Variants in LRBA observed in about 807,000 individuals in gnomAD.
LRBA encodes the protein lipopolysaccharide-responsive and beige-like anchor protein.
LRBA carries 176 observed loss-of-function variants against 330.0 expected under a neutral mutation model. The observed-to-expected ratio is 0.53, with a 90% confidence interval of 0.47 to 0.60. LRBA has a LOEUF of 0.60. Among genes scored for constraint, LRBA ranks in the 20% least tolerant of loss-of-function variants. LRBA has a pLI of 0.00. For missense variants in LRBA, 3,259 were observed against 3,444.8 expected, an observed-to-expected ratio of 0.95 and a Z score of 1.35; for synonymous variants, 1,230 against 1,193.0, an observed-to-expected ratio of 1.03 and a Z score of -0.64.
chr4:150,878,821 A>C (rs1401563932), intron 17 of LRBA, among the ~76,000 whole-genome samples: 2 of 151,864 alleles, frequency 1.3e-5, no homozygotes, highest in African/African-American at 4.8e-5. Context: ...CCGAAACTGT[A>C]TACCTGCTTA....
At chr4:150,281,112 T>G (rs1018258033) in intron 55 of LRBA, among the ~76,000 whole-genome samples, 2 of 152,200 alleles carry the variant, frequency 1.3e-5, no homozygotes, top group African/African-American at 2.4e-5. Context: ...CCACAGAAAT[T>G]GCTTCAGTCA....
At chr4:150,715,281 G>A (rs1786634012) in intron 36 of LRBA, among the ~76,000 whole-genome samples, 1 of 152,114 alleles carries the variant, frequency 6.6e-6, no homozygotes, top group African/African-American at 2.4e-5. Context: ...ATACTGTCAA[G>A]GTTGCATTCT....
At chr4:150,505,855 G>A (rs888145485) in intron 40 of LRBA, among the ~76,000 whole-genome samples, 1 of 151,998 alleles carries the variant, frequency 6.6e-6, no homozygotes, top group Non-Finnish European at 1.5e-5. Flanking sequence ...AGAAAAGAGA[G>A]AAGAATCAAA....
At chr4:150,855,299 A>C (rs1751094703) in intron 22 of LRBA, among the ~76,000 whole-genome samples, 1 of 152,122 alleles carries the variant, frequency 6.6e-6, no homozygotes. Flanking sequence ...TTTTTGGAAA[A>C]CTGACTTTAG....
intron 2 of LRBA, among the ~76,000 whole-genome samples, chr4:151,003,365 C>G (rs551770378): frequency 1.1e-3 from 161 of 147,622 alleles, no homozygotes; most frequent in Non-Finnish European, 1.9e-3. Context: ...CCACTTCACT[C>G]CAGCCTGGGT....
intron 9 of LRBA, among the ~76,000 whole-genome samples, chr4:150,910,115 C>T (rs1731818418): frequency 6.6e-6 from 1 of 152,142 alleles, no homozygotes; most frequent in South Asian, 2.1e-4. Flanking sequence ...TACCTTTCCA[C>T]TCTGCTGGAT....
At chr4:150,370,865 T>G (rs1226158315) in intron 47 of LRBA, among the ~76,000 whole-genome samples, 1 of 152,154 alleles carries the variant, frequency 6.6e-6, no homozygotes, top group Admixed American at 6.5e-5. Context: ...TTTTAAAACA[T>G]GATGTTTATA....
chr4:150,629,367 A>C (rs999725615), intron 37 of LRBA, among the ~76,000 whole-genome samples: 1 of 152,260 alleles, frequency 6.6e-6, no homozygotes, highest in Admixed American at 6.5e-5. Flanking sequence ...GGCCAGGAAC[A>C]GTGGCTCATG....
intron 34 of LRBA, among the ~76,000 whole-genome samples, chr4:150,795,300 T>G (rs1480245962): frequency 6.6e-6 from 1 of 152,064 alleles, no homozygotes; most frequent in Non-Finnish European, 1.5e-5. Context: ...TTAAAACAGG[T>G]TTATACACAT....
chr4:150,970,465 A>G (rs1739405002), intron 2 of LRBA, among the ~76,000 whole-genome samples: 1 of 151,116 alleles, frequency 6.6e-6, no homozygotes, highest in African/African-American at 2.4e-5. Context: ...ACACTACTGC[A>G]CTTCAGCCTG....
chr4:150,657,936 A>G (rs1228923024), intron 37 of LRBA, among the ~76,000 whole-genome samples: 1 of 152,152 alleles, frequency 6.6e-6, no homozygotes, highest in African/African-American at 2.4e-5. Flanking sequence ...CTTTTACTGC[A>G]AAAGAAAGAT....
At chr4:150,861,441 C>T (rs538046191) in intron 22 of LRBA, among the ~76,000 whole-genome samples, 24 of 151,958 alleles carry the variant, frequency 1.6e-4, no homozygotes, top group African/African-American at 5.6e-4. Flanking sequence ...ATTGTGTGTA[C>T]GTAAGGTTTA....
chr4:150,569,579 A>G (rs1769587690), intron 40 of LRBA, among the ~76,000 whole-genome samples: 1 of 152,148 alleles, frequency 6.6e-6, no homozygotes, highest in African/African-American at 2.4e-5. Context: ...TGTACAGCAG[A>G]GACTGCAGTT....
In LRBA at chr4:150,831,862, A is replaced by T. The variant is rs1313186870; in HGVS notation, c.4684T>A (p.Ser1562Thr). ...LEPQNERHSQ[S>T]CTETGSENEN... ...TTTTCACTGCCAGTTTCTGTACATG[A>T]CTGGCTATGCCTTTCATTTTGGGGT... The change falls in exon 29 of 57, where the codon TCA (serine) becomes ACA (threonine). Residue 1562 changes from serine (S) to threonine (T), a missense_variant. Transcript: ENST00000651943. The T allele has an allele frequency of 1.2e-6, 2 of 1,603,690 alleles. No homozygotes were observed. Among genetic ancestry groups the T allele is most frequent in the Non-Finnish European group, 1.7e-6 (2 of 1,175,328 alleles).
intron 37 of LRBA, among the ~76,000 whole-genome samples, chr4:150,611,828 A>T (rs1433974898): frequency 1.3e-5 from 2 of 152,212 alleles, no homozygotes; most frequent in Non-Finnish European, 2.9e-5. Flanking sequence ...CTACATAAGC[A>T]TCTACATGAA....
chr4:150,475,336 G>T (rs916768997), intron 42 of LRBA, among the ~76,000 whole-genome samples: 1 of 152,132 alleles, frequency 6.6e-6, no homozygotes, highest in Non-Finnish European at 1.5e-5. Context: ...TCTTCTGGAT[G>T]AGTATGTGAA....
chr4:150,927,146 G>C (rs1479415750), intron 4 of LRBA, among the ~76,000 whole-genome samples: 1 of 151,692 alleles, frequency 6.6e-6, no homozygotes, highest in East Asian at 1.9e-4. Flanking sequence ...AGGCCAAGGC[G>C]GGCAGATCAC....
At chr4:150,840,879 G>T (rs1418889274) in intron 28 of LRBA, 5 of 982,294 alleles carry the variant, frequency 5.1e-6, no homozygotes, top group Non-Finnish European at 6.4e-6. Context: ...TGGTAAAAAT[G>T]AGACTAATTG....
Position 150,669,733 on chromosome 4 carries a change from T to C in LRBA, c.5921+13818A>G, listed in dbSNP as rs190849584. Among the ~76,000 whole-genome samples the C allele has an allele frequency of 4.6e-5, 7 of 152,106 alleles. 1 individual carries two copies. In the East Asian group the frequency reaches 1.2e-3, roughly 25 times the overall value. ...GTCATGCACCACCACGCCCAGATAA[T>C]TGTTGTATTTTTAGTAGATACAGGG... On this transcript the variant is annotated intron_variant, in intron 37 of 56. Transcript: ENST00000651943.
Sources: allele counts gnomAD v4.1 joint callset (sites outside exome capture counted in the v4.1 genomes callset), GRCh38; gene constraint gnomAD v4.1.1; transcripts MANE v1.5; gene names NCBI Gene and HGNC (gene_info 2026-07-23, HGNC 2026-07-21).